LRRTM3: variants seen among roughly 807,000 people sequenced by gnomAD.
The protein encoded by LRRTM3 is leucine-rich repeat transmembrane neuronal protein 3.
A neutral mutation model predicts 44.7 loss-of-function variants in LRRTM3; 24 were observed. The observed-to-expected ratio is 0.54, with a 90% CI of 0.39 to 0.76. The LOEUF is 0.76. Ranked by LOEUF, LRRTM3 falls within the 30% of genes least tolerant of loss-of-function variation. The pLI, the probability that LRRTM3 is intolerant of heterozygous loss-of-function variation, is 0.00. For missense variants in LRRTM3, 587 were observed against 702.2 expected (o/e 0.84, Z 1.85); for synonymous variants, 277 against 278.7 (o/e 0.99, Z 0.06).
intron 2 of LRRTM3, among the ~76,000 whole-genome samples, chr10:66,982,387 C>A (rs1850492162): frequency 6.6e-6 from 1 of 152,152 alleles, no homozygotes; most frequent in African/African-American, 2.4e-5. Context: ...AAGTTACTAA[C>A]TTCTCTAAAT....
chr10:67,086,739 A>G (rs981238600), intron 2 of LRRTM3, among the ~76,000 whole-genome samples: 4 of 151,972 alleles, frequency 2.6e-5, no homozygotes, highest in Admixed American at 6.6e-5. Context: ...AAAATACCCT[A>G]TCAGTCATAG....
chr10:67,059,790 G>A (rs932470872), intron 2 of LRRTM3, among the ~76,000 whole-genome samples: 1 of 152,006 alleles, frequency 6.6e-6, no homozygotes, highest in Non-Finnish European at 1.5e-5. Context: ...TCAAAATTAG[G>A]AGTCCATGAC....
intron 2 of LRRTM3, among the ~76,000 whole-genome samples, chr10:67,058,769 T>C (rs1437129962): frequency 6.6e-6 from 1 of 152,168 alleles, no homozygotes; most frequent in Non-Finnish European, 1.5e-5. Flanking sequence ...TGACTAGACT[T>C]GTAATGTCTG....
chr10:67,037,990 G>A (rs755108695), intron 2 of LRRTM3, among the ~76,000 whole-genome samples: 9 of 151,928 alleles, frequency 5.9e-5, no homozygotes, highest in Non-Finnish European at 1.0e-4. Context: ...TGAATAAACA[G>A]AAAAAAATTC....
chr10:67,094,231 T>G (rs1223505663), intron 2 of LRRTM3, among the ~76,000 whole-genome samples: 1 of 151,892 alleles, frequency 6.6e-6, no homozygotes, highest in Non-Finnish European at 1.5e-5. Context: ...TAATAGAGAC[T>G]ATTTTTATTT....
intron 2 of LRRTM3, among the ~76,000 whole-genome samples, chr10:67,015,694 T>C (rs893850364): frequency 6.6e-6 from 1 of 152,126 alleles, no homozygotes; most frequent in African/African-American, 2.4e-5. Flanking sequence ...AAGATTCAAA[T>C]CTTTGTAACA....
chr10:67,043,917 T>C (rs1165570847), intron 2 of LRRTM3, among the ~76,000 whole-genome samples: 1 of 140,206 alleles, frequency 7.1e-6, no homozygotes, highest in Non-Finnish European at 1.6e-5. Flanking sequence ...AATGCAAAAA[T>C]AATCTCTTTA....
chr10:66,933,991 AT>A (rs1847552307), intron 2 of LRRTM3, among the ~76,000 whole-genome samples: 1 of 152,120 alleles, frequency 6.6e-6, no homozygotes, highest in South Asian at 2.1e-4. Flanking sequence ...GTTTTCTGAC[AT>A]TTTAACTTCA....
At chr10:66,965,310 G>A (rs575243656) in intron 2 of LRRTM3, among the ~76,000 whole-genome samples, 13 of 152,194 alleles carry the variant, frequency 8.5e-5, no homozygotes, top group African/African-American at 2.4e-4. Context: ...GCTAAGGCAG[G>A]TGGATCATGA....
intron 2 of LRRTM3, among the ~76,000 whole-genome samples, chr10:66,987,959 C>T (rs1850826290): frequency 6.6e-6 from 1 of 152,106 alleles, no homozygotes; most frequent in South Asian, 2.1e-4. Flanking sequence ...TCTATCATAA[C>T]AAATGTGGGT....
chr10:67,067,791 C>G (rs115885473), intron 2 of LRRTM3, among the ~76,000 whole-genome samples: 1,933 of 152,270 alleles, frequency 0.013, 45 homozygotes, highest in African/African-American at 0.044. Context: ...TCTGGGCACA[C>G]TATGTGCTGG....
At chr10:66,951,484 A>G (rs902933941) in intron 2 of LRRTM3, among the ~76,000 whole-genome samples, 2 of 152,188 alleles carry the variant, frequency 1.3e-5, no homozygotes, top group Non-Finnish European at 2.9e-5. Context: ...TAACGTATTT[A>G]ATTCTTACGA....
At chr10:67,003,409 T>C (rs911207625) in intron 2 of LRRTM3, among the ~76,000 whole-genome samples, 24 of 152,250 alleles carry the variant, frequency 1.6e-4, no homozygotes, top group Admixed American at 8.5e-4. Flanking sequence ...CCATAGTATG[T>C]TCCAAGTATT....
intron 2 of LRRTM3, among the ~76,000 whole-genome samples, chr10:67,024,890 G>C (rs1369033769): frequency 2.0e-5 from 3 of 152,006 alleles, no homozygotes; most frequent in Non-Finnish European, 4.4e-5. Context: ...TAGCACTTTA[G>C]GGGGCCAAGG....
intron 2 of LRRTM3, among the ~76,000 whole-genome samples, chr10:66,961,686 T>G (rs1849116104): frequency 6.6e-6 from 1 of 152,186 alleles, no homozygotes; most frequent in African/African-American, 2.4e-5. Flanking sequence ...GAATTCTAGA[T>G]TTGTATATCC....
intron 2 of LRRTM3, among the ~76,000 whole-genome samples, chr10:66,991,488 T>C (rs1439363135): frequency 6.6e-6 from 1 of 152,194 alleles, no homozygotes; most frequent in Non-Finnish European, 1.5e-5. Flanking sequence ...AAAGGGTATA[T>C]TTAAACATTA....
chr10:67,089,168 A>G (rs1416261412), intron 2 of LRRTM3, among the ~76,000 whole-genome samples: 2 of 152,008 alleles, frequency 1.3e-5, no homozygotes, highest in South Asian at 2.1e-4. Context: ...CCCCATGGAT[A>G]CTGAGGGAGG....
rs192434517 is a variant in LRRTM3 at position 66,974,416 on chromosome 10, A to G, written c.1536+45964A>G. Among the ~76,000 whole-genome samples, 861 of 152,272 alleles carry G rather than the reference A, an allele frequency of 5.7e-3. 9 individuals carry two copies. Among genetic ancestry groups the G allele is most frequent in the Non-Finnish European group, 0.01 (693 of 68,030 alleles). On this transcript the variant is annotated intron_variant, in intron 2 of 2. Coordinates refer to ENST00000361320, the MANE Select transcript of LRRTM3 (RefSeq NM_178011.5). ...CATTCACCTGTTGGTGTTGATGGAC[A>G]TTTAGGTTGCCTCCAGTTTTTGACT... is the stretch of plus-strand genomic sequence containing the variant.
chr10:66,963,663 A>G (rs1849244249), intron 2 of LRRTM3, among the ~76,000 whole-genome samples: 1 of 152,018 alleles, frequency 6.6e-6, no homozygotes, highest in African/African-American at 2.4e-5. Flanking sequence ...AGGGTAAGGT[A>G]TAGAGGGCAT....
Sources: allele counts gnomAD v4.1 joint callset (sites outside exome capture counted in the v4.1 genomes callset), GRCh38; gene constraint gnomAD v4.1.1; transcripts MANE v1.5; gene names NCBI Gene and HGNC (gene_info 2026-07-23, HGNC 2026-07-21).